Variants in CYLC1 observed in about 807,000 individuals in gnomAD.
CYLC1 encodes cylicin-1.
A neutral mutation model predicts 31.6 loss-of-function variants in CYLC1; 2 were observed. That is an observed-to-expected ratio of 0.06 (90% CI 0.03 to 0.20). The LOEUF is 0.20. Ranked by LOEUF, CYLC1 falls within the 10% of genes least tolerant of loss-of-function variation. The pLI is 1.00. For synonymous variants in CYLC1, 185 were observed against 153.0 expected, an observed-to-expected ratio of 1.21 and a Z score of -1.54; for missense variants, 595 against 424.1, an observed-to-expected ratio of 1.40 and a Z score of -3.54.
rs777059368 is a variant in CYLC1 at position 83,874,053 on chromosome X, G to A, written c.1345G>A (p.Glu449Lys). 3 of 1,202,112 alleles carry A rather than the reference G, an allele frequency of 2.5e-6. No individual in the cohort carries two copies. The highest frequency in any genetic ancestry group is 4.4e-5 in the Admixed American group (2 of 45,240). Residue 449 changes from glutamate to lysine, a missense_variant, in exon 4 of 5, where the codon GAA (glutamate) becomes AAA (lysine). Coordinates refer to ENST00000329312, the MANE Select transcript of CYLC1 (RefSeq NM_021118.3). The stretch of plus-strand genomic sequence containing the variant: ...TGAAGAGTCTACTGATGCTGACTCT[G>A]AACCGAAGGGAGATTCAAAAAAGGG... ...NDEESTDADS[E>K]PKGDSKKGKK...
Position 83,873,350 on chromosome X carries a change from A to G in CYLC1, c.642A>G (p.Leu214=), listed in dbSNP as rs1438644882. 8.3e-7 allele frequency: 1 copy of G among 1,201,304 alleles called. No individual in the cohort carries two copies. Among genetic ancestry groups the G allele is most frequent in the South Asian group, 1.8e-5 (1 of 56,261 alleles). ...CCAAGAAGACAAACACTGAATTCCT[A>G]CATACAAAGAACAATCCAAAGAAAG... is the stretch of plus-strand genomic sequence containing the variant. The part of the protein sequence containing the change: ...KNSKKTNTEF[L]HTKNNPKKDL... The change falls in exon 4 of 5, where the codon CTA becomes CTG. Residue 214 remains leucine, a synonymous_variant. Coordinates refer to ENST00000329312, the MANE Select transcript of CYLC1 (RefSeq NM_021118.3).
chrX:83,870,661 T>C (rs2031650536), intron 2 of CYLC1, among the ~76,000 whole-genome samples: 1 of 111,374 alleles, frequency 9.0e-6, no homozygotes, highest in Non-Finnish European at 1.9e-5. Flanking sequence ...TAAGTGTTAG[T>C]GGTTGCAGCT....
At chrX:83,875,245 G>A (rs766479343) in intron 4 of CYLC1, among the ~76,000 whole-genome samples, 1 of 110,978 alleles carries the variant, frequency 9.0e-6, no homozygotes, top group Non-Finnish European at 1.9e-5. Flanking sequence ...TCTATTTGGA[G>A]GTAAATACTC....
At chrX:83,881,120 G>A (rs1401240117) in intron 4 of CYLC1, among the ~76,000 whole-genome samples, 1 of 106,507 alleles carries the variant, frequency 9.4e-6, no homozygotes, top group African/African-American at 3.5e-5. Context: ...TGCTATTCAA[G>A]GAAAGTGGGT....
intron 3 of CYLC1, among the ~76,000 whole-genome samples, 162 bp from the exon 4 acceptor site, chrX:83,872,718 TACACAC>T (rs61531587): frequency 0.24 from 21,976 of 91,772 alleles, 2,440 homozygotes; most frequent in Admixed American, 0.39. Flanking sequence ...GTCTCTCTCT[TACACAC>T]ACACACACAC....
chrX:83,886,017 A>G (rs1271273280), intron 4 of CYLC1, among the ~76,000 whole-genome samples: 1 of 110,995 alleles, frequency 9.0e-6, no homozygotes, highest in Non-Finnish European at 1.9e-5. Flanking sequence ...AAAAAATACT[A>G]TGGGATTGCA....
At chrX:83,878,479 A>T (rs1376783829) in intron 4 of CYLC1, among the ~76,000 whole-genome samples, 1 of 63,097 alleles carries the variant, frequency 1.6e-5, no homozygotes, top group Admixed American at 2.9e-4. Context: ...ATATATAAAT[A>T]TATATAAATA....
intron 1 of CYLC1, among the ~76,000 whole-genome samples, chrX:83,867,939 C>T (rs957939089): frequency 3.6e-5 from 4 of 111,397 alleles, no homozygotes; most frequent in African/African-American, 1.3e-4. Context: ...GAGAAAACTA[C>T]AGCATAATTT....
At position 83,873,398 on chromosome X, in the gene CYLC1, T is replaced by A; in HGVS notation, c.690T>A (p.Ser230Arg). 1.7e-6 allele frequency: 2 copies of A among 1,204,517 alleles called. No individual in the cohort carries two copies. The highest frequency in any genetic ancestry group is 2.2e-6 in the Non-Finnish European group (2 of 891,394). ...PKKDLKRSKT[S>R]NDPISEICSE... ...AAGATTTGAAGAGGTCAAAGACTAGTAATGATCCCATATCAGAGATTTGCT... is the reference window on the plus strand; with the variant it reads ...AAGATTTGAAGAGGTCAAAGACTAGAAATGATCCCATATCAGAGATTTGCT... The change falls in exon 4 of 5, where the codon AGT (serine) becomes AGA (arginine). Residue 230 changes from serine (S) to arginine (R), a missense_variant. Transcript: ENST00000329312.
chrX:83,867,115 A>G (rs1224564323), intron 1 of CYLC1, among the ~76,000 whole-genome samples: 1 of 110,801 alleles, frequency 9.0e-6, no homozygotes, highest in East Asian at 2.8e-4. Flanking sequence ...GTTTTTCACT[A>G]CCTCCTGAAT....
chrX:83,873,854 T>A lies in CYLC1; in HGVS notation c.1146T>A (p.Asn382Lys). Residue 382 changes from asparagine (N) to lysine (K), a missense_variant, in exon 4 of 5, where the codon AAT (asparagine) becomes AAA (lysine). By Grantham distance (94) the Asn-to-Lys change is moderately conservative. Transcript: ENST00000329312. ...TESGDAKDAR[N>K]DSRNLKKASK... is the part of the protein sequence containing the mutation. ...CAGGAGATGCAAAGGATGCAAGAAA[T>A]GATTCAAGAAATTTGAAGAAAGCTT... is the stretch of plus-strand genomic sequence containing the variant. 8.4e-7 allele frequency: 1 copy of A among 1,195,386 alleles called. No individual in the cohort carries two copies.
At chrX:83,881,222 C>G (rs759695974) in intron 4 of CYLC1, among the ~76,000 whole-genome samples, 2 of 110,660 alleles carry the variant, frequency 1.8e-5, no homozygotes, top group South Asian at 7.7e-4. Flanking sequence ...AGTCAAAACG[C>G]AAATTGAAGT....
intron 4 of CYLC1, among the ~76,000 whole-genome samples, chrX:83,877,322 C>A (rs1265797866): frequency 9.0e-6 from 1 of 111,208 alleles, no homozygotes; most frequent in Non-Finnish European, 1.9e-5. Context: ...TTATGTTGCC[C>A]AGGCTGGTCT....
intron 1 of CYLC1, among the ~76,000 whole-genome samples, chrX:83,863,445 C>T (rs1423766228): frequency 9.0e-6 from 1 of 111,121 alleles, no homozygotes; most frequent in Non-Finnish European, 1.9e-5. Flanking sequence ...TTTACAGGCT[C>T]ATGGTGAATT....
At chrX:83,876,101 A>C (rs776858844) in intron 4 of CYLC1, among the ~76,000 whole-genome samples, 2 of 110,956 alleles carry the variant, frequency 1.8e-5, no homozygotes, top group East Asian at 5.7e-4. Flanking sequence ...GTTTATAATA[A>C]AACTTTACAT....
chrX:83,885,393 A>T (rs1188735709), intron 4 of CYLC1, among the ~76,000 whole-genome samples: 1 of 110,358 alleles, frequency 9.1e-6, no homozygotes, highest in Non-Finnish European at 1.9e-5. Context: ...ATGAGGCAAA[A>T]TCATAAAAAT....
Position 83,874,448 on chromosome X carries a change from A to T in CYLC1, c.1740A>T (p.Arg580Ser). The T allele has an allele frequency of 8.3e-7, 1 of 1,209,760 alleles. No individual in the cohort carries two copies. Among genetic ancestry groups the T allele is most frequent in the Non-Finnish European group, 1.1e-6 (1 of 894,449 alleles). Residue 580 changes from arginine to serine, a missense_variant, in exon 4 of 5, where the codon AGA (arginine) becomes AGT (serine). By Grantham distance (110) the Arg-to-Ser change is moderately radical (BLOSUM62 -1). Transcript: ENST00000329312. ...MEGLESKRGF[R>S]MSSKKTTFNE... Reference sequence around the variant, plus strand: ...GACTGGAATCAAAGAGAGGATTCAGAATGTCATCCAAAAAGACTACATTCA... The same window carrying T: ...GACTGGAATCAAAGAGAGGATTCAGTATGTCATCCAAAAAGACTACATTCA...
intron 4 of CYLC1, among the ~76,000 whole-genome samples, chrX:83,878,372 T>TATATATATAAATATATATAA (rs1569335949): frequency 1.7e-4 from 1 of 5,923 alleles, no homozygotes; most frequent in African/African-American, 5.3e-4. Flanking sequence ...TATATATAAA[T>TATATATATAAATATATATAA]ATATATATAA....
At chrX:83,867,156 T>A (rs892636589) in intron 1 of CYLC1, among the ~76,000 whole-genome samples, 12 of 111,695 alleles carry the variant, frequency 1.1e-4, no homozygotes, top group Non-Finnish European at 2.3e-4. Flanking sequence ...AAATCCATAT[T>A]TCATCAAGTC....
Sources: allele counts gnomAD v4.1 joint callset (sites outside exome capture counted in the v4.1 genomes callset), GRCh38; gene constraint gnomAD v4.1.1; transcripts MANE v1.5; gene names NCBI Gene and HGNC (gene_info 2026-07-23, HGNC 2026-07-21).